Variants in AFF1 observed in about 807,000 individuals in gnomAD.
AFF1 encodes the protein ALF transcription elongation factor 1, also known as AF4/FMR2 family member 1.
A neutral mutation model predicts 121.7 loss-of-function variants in AFF1; 48 were observed. The observed-to-expected ratio is 0.39, with a 90% CI of 0.31 to 0.50. The LOEUF is 0.50. Among genes scored for constraint, AFF1 ranks in the 20% least tolerant of loss-of-function variants. The pLI is 0.76. For missense variants in AFF1, 1,523 were observed against 1,511.7 expected, an observed-to-expected ratio of 1.01 and a Z score of -0.12; for synonymous variants, 613 against 563.0, an observed-to-expected ratio of 1.09 and a Z score of -1.26.
intron 2 of AFF1, among the ~76,000 whole-genome samples, chr4:86,979,346 G>T (rs1035559908): frequency 6.6e-6 from 1 of 151,978 alleles, no homozygotes; most frequent in African/African-American, 2.4e-5. Context: ...TGATCCTCCC[G>T]CCTCGGCCTC....
intron 2 of AFF1, among the ~76,000 whole-genome samples, chr4:87,000,641 G>GTGT (rs1725628904): frequency 2.0e-5 from 3 of 149,744 alleles, no homozygotes; most frequent in Non-Finnish European, 4.5e-5. Flanking sequence ...GTGTGTGTGT[G>GTGT]GCAGAGGAAG....
rs966187224 is a variant in AFF1 at position 87,125,982 on chromosome 4, GT to G, written c.2574-114del. ...CCCTGAAATTTGGCCTGTTTACACAGTTTCATGCTTTGTGATACCCTACTCT... is the reference window on the plus strand; with the variant it reads ...CCCTGAAATTTGGCCTGTTTACACAGTTCATGCTTTGTGATACCCTACTCT... On this transcript the variant is annotated intron_variant, in intron 13 of 20. Coordinates refer to ENST00000395146, the MANE Select transcript of AFF1 (RefSeq NM_001166693.3). 42 of 1,080,386 alleles carry G rather than the reference GT, an allele frequency of 3.9e-5. No individual in the cohort carries two copies. The African/African-American group carries it at 6.3e-4, about 16-fold the overall frequency. The allele number at this position is 1,080,386 out of a possible 1,614,324, so 66.9% of individuals were successfully genotyped here. A position where few individuals can be genotyped will look rare whatever the true frequency, so the allele number is the denominator to read the frequency against.
At chr4:87,113,817 TATC>T (rs940765153) in intron 11 of AFF1, among the ~76,000 whole-genome samples, 20 of 152,234 alleles carry the variant, frequency 1.3e-4, no homozygotes, top group African/African-American at 4.6e-4. Context: ...AGTGAGCTAT[TATC>T]ATGCCACTGC....
intron 4 of AFF1, among the ~76,000 whole-genome samples, chr4:87,082,902 C>G (rs940098132): frequency 6.6e-6 from 1 of 152,218 alleles, no homozygotes; most frequent in East Asian, 1.9e-4. Context: ...AAATTAGAAC[C>G]AAGAACAGGA....
chr4:87,123,054 C>G (rs189372078), intron 12 of AFF1, among the ~76,000 whole-genome samples: 3 of 151,948 alleles, frequency 2.0e-5, no homozygotes, highest in African/African-American at 7.2e-5. Flanking sequence ...CCACCACACT[C>G]GACTAATTTT....
At chr4:87,101,671 G>A (rs1725447346) in intron 8 of AFF1, among the ~76,000 whole-genome samples, 1 of 152,040 alleles carries the variant, frequency 6.6e-6, no homozygotes, top group Non-Finnish European at 1.5e-5. Flanking sequence ...CCTATCCCCG[G>A]ATCAGTTTCA....
In AFF1 at chr4:87,105,691, T is replaced by C. The variant is rs533810491; in HGVS notation, c.1338+9T>C. On this transcript the variant is annotated intron_variant, in intron 9 of 20. Transcript: ENST00000395146. ...ACAGTGACAGTGAACAAGTAAGTGT[T>C]GCACAGCCTGTAATACCAGGAGTCC... 4.3e-6 allele frequency: 7 copies of C among 1,614,184 alleles called. No individual in the cohort carries two copies. In the African/African-American group the frequency reaches 5.3e-5, roughly 12 times the overall value.
chr4:86,972,278 G>A (rs1723002557), intron 2 of AFF1, among the ~76,000 whole-genome samples: 1 of 151,994 alleles, frequency 6.6e-6, no homozygotes, highest in African/African-American at 2.4e-5. Flanking sequence ...TTATAGCTGA[G>A]GTTAAAGTAT....
At chr4:86,946,351 C>T (rs1328710781) in intron 1 of AFF1, among the ~76,000 whole-genome samples, 2 of 151,984 alleles carry the variant, frequency 1.3e-5, no homozygotes, top group Admixed American at 1.3e-4. Context: ...AGAGTCTTTT[C>T]TTCACTATAT....
At chr4:86,937,493 A>G (rs950560474) in intron 1 of AFF1, among the ~76,000 whole-genome samples, 2 of 152,202 alleles carry the variant, frequency 1.3e-5, no homozygotes, top group Admixed American at 1.3e-4. Flanking sequence ...TTTTTAATTG[A>G]CTGAGAACTT....
intron 2 of AFF1, among the ~76,000 whole-genome samples, chr4:87,043,415 C>G (rs1028734572): frequency 6.6e-6 from 1 of 152,204 alleles, no homozygotes; most frequent in Non-Finnish European, 1.5e-5. Flanking sequence ...CCTGCAAAAA[C>G]TGGCTCAAAG....
intron 2 of AFF1, among the ~76,000 whole-genome samples, chr4:86,970,917 A>AT (rs1722896457): frequency 6.6e-6 from 1 of 152,078 alleles, no homozygotes; most frequent in Non-Finnish European, 1.5e-5. Flanking sequence ...GGTGTTTGGG[A>AT]TGAGGTTTGG....
chr4:87,046,825 C>G lies in AFF1; in HGVS notation c.290C>G (p.Pro97Arg). The change falls in exon 4 of 21, where the codon CCG becomes CGG. Residue 97 changes from proline to arginine, a missense_variant. Around this residue, in one of 5 missense-constraint regions of AFF1, gnomAD observed 369 missense variants for 367.2 expected, o/e 1.00. Coordinates refer to ENST00000395146, the MANE Select transcript of AFF1 (RefSeq NM_001166693.3). ...GCTTCTGAAAATAGGTTGGGAAAGCCGAAATATCCTTTAATTCCTGACAAA... is the reference window on the plus strand; with the variant it reads ...GCTTCTGAAAATAGGTTGGGAAAGCGGAAATATCCTTTAATTCCTGACAAA... ...LDASENRLGK[P>R]KYPLIPDKGS... is the part of the protein sequence containing the mutation. 2 of 1,614,156 alleles carry G rather than the reference C, an allele frequency of 1.2e-6. No homozygotes were observed. Among genetic ancestry groups the G allele is most frequent in the Non-Finnish European group, 1.7e-6 (2 of 1,180,030 alleles).
chr4:87,089,558 C>T, intron 5 of AFF1, among the ~76,000 whole-genome samples: 1 of 152,182 alleles, frequency 6.6e-6, no homozygotes, highest in East Asian at 1.9e-4. Flanking sequence ...AGTTCTTCTT[C>T]CTTTGAACTG....
chr4:87,075,780 G>T (rs1478425288), intron 4 of AFF1, among the ~76,000 whole-genome samples: 1 of 152,158 alleles, frequency 6.6e-6, no homozygotes, highest in Admixed American at 6.5e-5. Flanking sequence ...TCACTGTTCT[G>T]TGAAGTTGTC....
chr4:87,127,481 C>T (rs2149793883), intron 15 of AFF1, among the ~76,000 whole-genome samples, 162 bp from the exon 16 acceptor site: 1 of 152,192 alleles, frequency 6.6e-6, no homozygotes, highest in South Asian at 2.1e-4. Context: ...CTCTTTCTTC[C>T]TCCATTTCCT....
intron 2 of AFF1, chr4:87,036,928 C>T (rs1729628678): frequency 2.7e-6 from 1 of 373,648 alleles, no homozygotes. Context: ...GCCTCTCAGG[C>T]TCAAGTGATC....
At chr4:87,120,326 GCTT>G (rs1238645822) in intron 12 of AFF1, among the ~76,000 whole-genome samples, 3 of 152,198 alleles carry the variant, frequency 2.0e-5, no homozygotes, top group Non-Finnish European at 4.4e-5. Context: ...CCCAAAGACT[GCTT>G]CTCCAGTTTT....
intron 4 of AFF1, among the ~76,000 whole-genome samples, chr4:87,050,029 A>G (rs897876369): frequency 2.0e-5 from 3 of 152,190 alleles, no homozygotes; most frequent in Admixed American, 6.5e-5. Flanking sequence ...TGAATTTTAT[A>G]TTTCAAATTT....
Sources: allele counts gnomAD v4.1 joint callset (sites outside exome capture counted in the v4.1 genomes callset), GRCh38; gene constraint gnomAD v4.1.1; regional missense constraint gnomAD v4.1.1; transcripts MANE v1.5; gene names NCBI Gene and HGNC (gene_info 2026-07-23, HGNC 2026-07-21).